Variants in FAM135A observed in about 807,000 individuals in gnomAD.
FAM135A encodes protein FAM135A.
FAM135A carries 79 observed loss-of-function variants against 146.8 expected under a neutral mutation model. The ratio of observed to expected loss-of-function variants is 0.54; its 90% CI spans 0.45 to 0.65. The LOEUF is 0.65. Ranked by LOEUF, FAM135A falls within the 30% of genes least tolerant of loss-of-function variation. FAM135A has a pLI of 0.00. For missense variants in FAM135A, 1,623 were observed against 1,758.2 expected, an observed-to-expected ratio of 0.92 and a Z score of 1.38; for synonymous variants, 562 against 603.6, an observed-to-expected ratio of 0.93 and a Z score of 1.01.
intron 11 of FAM135A, among the ~76,000 whole-genome samples, chr6:70,494,612 A>G (rs1357373550): frequency 6.6e-6 from 1 of 152,014 alleles, no homozygotes; most frequent in African/African-American, 2.4e-5. Flanking sequence ...AAAAAGAATT[A>G]TATTATTATT....
At chr6:70,420,642 G>A (rs1453585688) in intron 2 of FAM135A, among the ~76,000 whole-genome samples, 2 of 152,092 alleles carry the variant, frequency 1.3e-5, no homozygotes, top group Non-Finnish European at 2.9e-5. Flanking sequence ...CCTAGACTAT[G>A]CTATCCAATA....
At chr6:70,486,374 T>C in intron 10 of FAM135A, 1 of 696,450 alleles carries the variant, frequency 1.4e-6, no homozygotes. Context: ...TCTGAAGAAC[T>C]TACCTTTAAA....
intron 1 of FAM135A, among the ~76,000 whole-genome samples, chr6:70,414,644 C>A (rs1455377011): frequency 6.6e-6 from 1 of 152,044 alleles, no homozygotes; most frequent in Non-Finnish European, 1.5e-5. Flanking sequence ...AGCTAGGTAT[C>A]CACTCAATGT....
intron 4 of FAM135A, among the ~76,000 whole-genome samples, chr6:70,435,608 C>T (rs922799806): frequency 2.0e-5 from 3 of 151,858 alleles, no homozygotes; most frequent in Admixed American, 2.0e-4. Context: ...CAACCTCCAC[C>T]TCCCCGGATC....
intron 4 of FAM135A, among the ~76,000 whole-genome samples, chr6:70,432,216 A>G (rs932198925): frequency 1.3e-5 from 2 of 152,134 alleles, no homozygotes; most frequent in African/African-American, 4.8e-5. Flanking sequence ...AATAAATTCA[A>G]GTTTTCTGAC....
intron 1 of FAM135A, among the ~76,000 whole-genome samples, chr6:70,414,202 C>T (rs974748708): frequency 6.6e-6 from 1 of 152,124 alleles, no homozygotes; most frequent in African/African-American, 2.4e-5. Flanking sequence ...TTACCCTGGC[C>T]GACCAGGTTT....
At position 70,533,271 on chromosome 6, in the gene FAM135A, T is replaced by C. The variant is rs1482151859; in HGVS notation, c.3867+20T>C. The C allele has an allele frequency of 6.9e-6, 11 of 1,588,374 alleles. No homozygotes were observed. The East Asian group carries it at 2.5e-4, about 36-fold the overall frequency. ...AATCAGGTACAATATGACAGTGTTTTCAGTGAAAACAAACATTTTTGTACC... is the reference window on the plus strand; with the variant it reads ...AATCAGGTACAATATGACAGTGTTTCCAGTGAAAACAAACATTTTTGTACC... On this transcript the variant is annotated intron_variant, in intron 17 of 21. Coordinates refer to ENST00000418814, the MANE Select transcript of FAM135A (RefSeq NM_001162529.3).
In FAM135A at chr6:70,560,158, A is replaced by G. The variant is rs934337628; in HGVS notation, c.*237A>G. On this transcript the variant is annotated 3_prime_UTR_variant, in exon 22 of 22. Transcript: ENST00000418814. ...TTTTACTTTTCTATTACTTTTTCAT[A>G]TATTTTGCTACCTAAGTATTTCAGT... 6 of 397,772 alleles carry G rather than the reference A, an allele frequency of 1.5e-5. No individual in the cohort carries two copies. Among genetic ancestry groups the G allele is most frequent in the Non-Finnish European group, 2.3e-5 (5 of 221,776 alleles). The allele number at this position is 397,772 out of a possible 1,614,324, so 24.6% of individuals were successfully genotyped here.
At chr6:70,432,776 A>G (rs148868078) in intron 4 of FAM135A, among the ~76,000 whole-genome samples, 220 of 152,008 alleles carry the variant, frequency 1.4e-3, no homozygotes, top group African/African-American at 5.2e-3. Flanking sequence ...TTTTTAATAT[A>G]AAGGAAGACA....
intron 4 of FAM135A, among the ~76,000 whole-genome samples, chr6:70,432,373 C>A (rs569801948): frequency 1.1e-4 from 16 of 152,218 alleles, no homozygotes; most frequent in African/African-American, 3.4e-4. Context: ...GGAAAAGGAT[C>A]TACATTATTA....
intron 20 of FAM135A, among the ~76,000 whole-genome samples, chr6:70,549,741 A>G (rs1383969697): frequency 6.6e-6 from 1 of 152,178 alleles, no homozygotes; most frequent in African/African-American, 2.4e-5. Flanking sequence ...AGAGGTGGCT[A>G]TGGCAATTTC....
intron 5 of FAM135A, among the ~76,000 whole-genome samples, chr6:70,467,377 G>A (rs1780671843): frequency 1.3e-5 from 2 of 151,558 alleles, no homozygotes; most frequent in East Asian, 1.9e-4. Flanking sequence ...CAAAAATCTG[G>A]TAGAATATCC....
At chr6:70,515,735 C>G (rs1383327667) in intron 12 of FAM135A, among the ~76,000 whole-genome samples, 1 of 151,738 alleles carries the variant, frequency 6.6e-6, no homozygotes, top group Non-Finnish European at 1.5e-5. Context: ...CAAGAGTGAA[C>G]CTTAATGTAA....
At chr6:70,435,593 C>T (rs1405840697) in intron 4 of FAM135A, among the ~76,000 whole-genome samples, 1 of 151,874 alleles carries the variant, frequency 6.6e-6, no homozygotes, top group Middle Eastern at 3.2e-3. Flanking sequence ...AATGTCGGCT[C>T]ATCGCAACCT....
chr6:70,549,135 A>C (rs1217410249), intron 20 of FAM135A, among the ~76,000 whole-genome samples: 3 of 152,074 alleles, frequency 2.0e-5, no homozygotes, highest in African/African-American at 7.2e-5. Flanking sequence ...CAACAATTCC[A>C]CTTTTGGAAT....
intron 16 of FAM135A, among the ~76,000 whole-genome samples, chr6:70,530,813 A>T (rs1028995314): frequency 2.2e-4 from 34 of 152,194 alleles, no homozygotes; most frequent in African/African-American, 7.7e-4. Flanking sequence ...ATAGAAATAT[A>T]AACTTCATTT....
intron 20 of FAM135A, among the ~76,000 whole-genome samples, chr6:70,555,520 TG>T (rs1257707772): frequency 1.3e-5 from 2 of 152,162 alleles, no homozygotes; most frequent in Non-Finnish European, 2.9e-5. Context: ...CCCAAAGTTC[TG>T]AGATTACAGG....
intron 4 of FAM135A, among the ~76,000 whole-genome samples, chr6:70,442,174 A>G (rs1026097557): frequency 1.3e-5 from 2 of 151,498 alleles, no homozygotes; most frequent in East Asian, 1.9e-4. Context: ...TCTATATAGA[A>G]TAGTTTCAAA....
chr6:70,525,746 T>G lies in FAM135A; in HGVS notation c.2662T>G (p.Ser888Ala), dbSNP rs1794567284. ...DLPKCDDTKK[S>A]SITLQQQSVV... The stretch of plus-strand genomic sequence containing the variant: ...GCCAAAATGTGATGATACTAAAAAG[T>G]CAAGTATCACTTTGCAACAGCAGAG... The change falls in exon 15 of 22, where the codon TCA becomes GCA. Residue 888 changes from serine to alanine, a missense_variant. Ser to Ala is a moderately conservative substitution (Grantham distance 99, BLOSUM62 1). This residue lies in a region of FAM135A where 1,061 missense variants were observed against 1,113.8 expected (regional missense o/e 0.95). Transcript: ENST00000418814. The G allele has an allele frequency of 1.2e-6, 2 of 1,613,364 alleles. No homozygotes were observed. The highest frequency in any genetic ancestry group is 1.7e-6 in the Non-Finnish European group (2 of 1,179,602).
Sources: allele counts gnomAD v4.1 joint callset (sites outside exome capture counted in the v4.1 genomes callset), GRCh38; gene constraint gnomAD v4.1.1; regional missense constraint gnomAD v4.1.1; transcripts MANE v1.5; gene names NCBI Gene and HGNC (gene_info 2026-07-23, HGNC 2026-07-21).